The following DNAJC8 variants were observed in gnomAD, a reference collection of about 807,000 sequenced individuals.
DNAJC8 encodes the protein DnaJ heat shock protein family (Hsp40) member C8, also known as dnaJ homolog subfamily C member 8.
A neutral mutation model predicts 43.2 loss-of-function variants in DNAJC8; 24 were observed. That is an observed-to-expected ratio of 0.56 (90% CI 0.40 to 0.78). DNAJC8 has a LOEUF of 0.78. DNAJC8 is among the 30% of genes least tolerant of loss of function. The pLI is 0.00. For synonymous variants in DNAJC8, 83 were observed against 98.0 expected, an observed-to-expected ratio of 0.85 and a Z score of 0.90; for missense variants, 207 against 299.4, an observed-to-expected ratio of 0.69 and a Z score of 2.28.
intron 2 of DNAJC8, among the ~76,000 whole-genome samples, chr1:28,223,387 G>A (rs423798): frequency 6.6e-6 from 1 of 152,136 alleles, no homozygotes; most frequent in Admixed American, 6.5e-5. Context: ...CAGAAAGCCA[G>A]AGAGCCACAT....
At chr1:28,215,829 G>A (rs993954332) in intron 2 of DNAJC8, among the ~76,000 whole-genome samples, 8 of 150,954 alleles carry the variant, frequency 5.3e-5, no homozygotes, top group African/African-American at 1.2e-4. Flanking sequence ...GAGCCACCGC[G>A]CCCAGCCTTA....
rs111917481 is a variant in DNAJC8 at position 28,231,638 on chromosome 1, C to G, written c.78+1283G>C. Reference sequence around the variant, plus strand: ...GCTGAGGCGAGAGAATCACTTGAACCAGGGAGGCAGAGGTTGCAGTGGGCC... The same window carrying G: ...GCTGAGGCGAGAGAATCACTTGAACGAGGGAGGCAGAGGTTGCAGTGGGCC... On this transcript the variant is annotated intron_variant, in intron 1 of 8. Coordinates refer to ENST00000263697, the MANE Select transcript of DNAJC8 (RefSeq NM_014280.3). Among the ~76,000 whole-genome samples the G allele has an allele frequency of 8.0e-3, 1,211 of 151,946 alleles. 5 individuals carry two copies. Among genetic ancestry groups the G allele is most frequent in the Non-Finnish European group, 0.013 (883 of 67,940 alleles).
rs1363728385 is a variant in DNAJC8, at chr1:28,201,082, T to C, written c.*166A>G. ...TTTTAAACCAAGCCCCTCATTTCAA[T>C]GTACAAAAGAATTACTCTGATCGAT... On this transcript the variant is annotated 3_prime_UTR_variant, in exon 9 of 9. Coordinates refer to ENST00000263697, the MANE Select transcript of DNAJC8 (RefSeq NM_014280.3). 10 of 1,025,204 alleles carry C rather than the reference T, an allele frequency of 9.8e-6. No individual in the cohort carries two copies. Among genetic ancestry groups the C allele is most frequent in the Middle Eastern group, 3.3e-4 (1 of 3,038 alleles). 63.5% of individuals were successfully genotyped at this position (1,025,204 alleles called of 1,614,324 possible).
chr1:28,203,137 T>C (rs1646748184), intron 8 of DNAJC8, among the ~76,000 whole-genome samples: 1 of 152,150 alleles, frequency 6.6e-6, no homozygotes, highest in African/African-American at 2.4e-5. Context: ...TATCATTTTT[T>C]CTCTTTCCAT....
rs78440134 is a variant in DNAJC8, at chr1:28,228,348, CAAAAAAAA to C, written c.180+566_180+573del. Among the ~76,000 whole-genome samples, 4 of 74,818 alleles carry C rather than the reference CAAAAAAAA, an allele frequency of 5.3e-5. No individual in the cohort carries two copies. In the Admixed American group the frequency reaches 6.5e-4, roughly 12 times the overall value. 49.1% of individuals were successfully genotyped at this position (74,818 alleles called of 152,430 possible). ...TGGGGGACAGAGCAAGACTCCGTCT[CAAAAAAAA>C]AAAAAAAAAAAAAGAATCCTAAACT... On this transcript the variant is annotated intron_variant, in intron 2 of 8. Transcript: ENST00000263697.
intron 2 of DNAJC8, among the ~76,000 whole-genome samples, chr1:28,215,732 T>C (rs926879995): frequency 3.3e-5 from 5 of 152,016 alleles, no homozygotes; most frequent in African/African-American, 1.2e-4. Flanking sequence ...ACACAGGGTT[T>C]CTCCATGTTG....
At chr1:28,232,493 T>A (rs2149026534) in intron 1 of DNAJC8, among the ~76,000 whole-genome samples, 1 of 152,192 alleles carries the variant, frequency 6.6e-6, no homozygotes, top group East Asian at 1.9e-4. Context: ...ATATAATGCC[T>A]AACTGGCATG....
intron 8 of DNAJC8, among the ~76,000 whole-genome samples, chr1:28,201,886 G>A (rs1002899929): frequency 5.3e-5 from 8 of 151,130 alleles, no homozygotes; most frequent in Admixed American, 3.3e-4. Context: ...TTGGGAGTTC[G>A]AGACCAGCCT....
chr1:28,216,754 G>A (rs1267587073), intron 2 of DNAJC8, among the ~76,000 whole-genome samples: 2 of 151,140 alleles, frequency 1.3e-5, no homozygotes, highest in African/African-American at 4.9e-5. Flanking sequence ...TATGGCTAAA[G>A]TTTCCTAAGC....
chr1:28,216,086 C>T (rs1209575267), intron 2 of DNAJC8, among the ~76,000 whole-genome samples: 2 of 151,960 alleles, frequency 1.3e-5, no homozygotes, highest in African/African-American at 2.4e-5. Context: ...CAGTGGCTCA[C>T]GCCTGTAATC....
chr1:28,232,896 C>T (rs373798993), intron 1 of DNAJC8, 25 bp downstream of exon 1: 2 of 1,610,580 alleles, frequency 1.2e-6, no homozygotes, highest in African/African-American at 2.7e-5. Flanking sequence ...CGCCCCGGTG[C>T]CACTACTCCT....
chr1:28,230,554 T>C (rs1304915795), intron 1 of DNAJC8, among the ~76,000 whole-genome samples: 1 of 152,212 alleles, frequency 6.6e-6, no homozygotes, highest in Non-Finnish European at 1.5e-5. Flanking sequence ...CTTGTCTCTA[T>C]TTTTTAAAAA....
intron 8 of DNAJC8, among the ~76,000 whole-genome samples, chr1:28,202,311 G>A (rs1338892282): frequency 2.0e-5 from 3 of 151,996 alleles, no homozygotes; most frequent in Admixed American, 6.6e-5. Context: ...ATGCAGTCTC[G>A]CTCTGTTGCC....
chr1:28,231,226 A>T (rs527496516), intron 1 of DNAJC8, among the ~76,000 whole-genome samples: 16 of 152,300 alleles, frequency 1.1e-4, no homozygotes, highest in African/African-American at 3.8e-4. Flanking sequence ...TACAAAAATC[A>T]GCCAGGCATG....
At chr1:28,215,030 T>A in intron 2 of DNAJC8, 34 bp from the exon 3 acceptor site, 1 of 1,560,902 alleles carries the variant, frequency 6.4e-7, no homozygotes, top group Non-Finnish European at 8.7e-7. Context: ...ATAAAAAAGG[T>A]GAAAATAAAT....
intron 6 of DNAJC8, among the ~76,000 whole-genome samples, chr1:28,205,934 A>G (rs957356606): frequency 7.2e-5 from 11 of 152,194 alleles, no homozygotes; most frequent in Non-Finnish European, 4.4e-5. Context: ...CTGTAGATCC[A>G]GCGTTTCAAG....
At chr1:28,201,535 TCCCAGCACTTCGGGAGGC>T in intron 8 of DNAJC8, among the ~76,000 whole-genome samples, 165 bp from the exon 9 acceptor site, 1 of 152,124 alleles carries the variant, frequency 6.6e-6, no homozygotes, top group Non-Finnish European at 1.5e-5. Context: ...ATACCTATAA[TCCCAGCACTTCGGGAGGC>T]CGAGGCGGGC....
chr1:28,225,585 C>G (rs1646928564), intron 2 of DNAJC8, among the ~76,000 whole-genome samples: 1 of 150,722 alleles, frequency 6.6e-6, no homozygotes, highest in African/African-American at 2.4e-5. Flanking sequence ...TTAGTGGATA[C>G]AGAGTTTCTG....
At chr1:28,224,783 C>A (rs1450307339) in intron 2 of DNAJC8, among the ~76,000 whole-genome samples, 1 of 152,034 alleles carries the variant, frequency 6.6e-6, no homozygotes, top group African/African-American at 2.4e-5. Flanking sequence ...ACCAGGGAGG[C>A]TGAGTCAGGA....
Sources: gnomAD v4.1 joint callset for allele counts (sites outside exome capture counted in the v4.1 genomes callset) on GRCh38, gnomAD v4.1.1 for gene constraint, MANE v1.5 for transcripts, NCBI Gene and HGNC (gene_info 2026-07-23, HGNC 2026-07-21) for gene names.